The following EYS variants were observed in gnomAD, a reference collection of about 807,000 sequenced individuals.
EYS encodes the protein EGF-like photoreceptor maintenance factor, also known as protein eyes shut homolog.
A neutral mutation model predicts 282.1 loss-of-function variants in EYS; 250 were observed. That is an observed-to-expected ratio of 0.89 (90% CI 0.80 to 0.98). EYS has a LOEUF of 0.98. Among genes scored for constraint, EYS ranks in the 50% least tolerant of loss-of-function variants. The probability of loss-of-function intolerance (pLI) is 0.00; values close to 1 mark genes in which losing one functional copy is unlikely to be tolerated. For synonymous variants in EYS, 1,355 were observed against 1,282.9 expected, an observed-to-expected ratio of 1.06 and a Z score of -1.20; for missense variants, 4,016 against 3,709.0, an observed-to-expected ratio of 1.08 and a Z score of -2.15.
intron 33 of EYS, among the ~76,000 whole-genome samples, chr6:64,057,378 G>GTTT (rs75532003): frequency 1.7e-5 from 2 of 114,698 alleles, no homozygotes; most frequent in African/African-American, 8.6e-5. Flanking sequence ...ATAAAGTAAG[G>GTTT]TTTTTTTTTT....
At chr6:65,572,566 C>T (rs1186475665) in intron 2 of EYS, among the ~76,000 whole-genome samples, 1 of 151,988 alleles carries the variant, frequency 6.6e-6, no homozygotes, top group African/African-American at 2.4e-5. Context: ...TTAAAATATA[C>T]AGTCATGTGC....
intron 36 of EYS, among the ~76,000 whole-genome samples, chr6:63,859,789 C>T (rs972600121): frequency 1.3e-5 from 2 of 152,230 alleles, no homozygotes; most frequent in Non-Finnish European, 1.5e-5. Context: ...GTCTCGGCTC[C>T]GGCCATCACT....
intron 22 of EYS, among the ~76,000 whole-genome samples, chr6:64,761,678 A>G (rs1773164298): frequency 6.6e-6 from 1 of 152,082 alleles, no homozygotes; most frequent in Non-Finnish European, 1.5e-5. Flanking sequence ...GATGGTTTCT[A>G]TCTACTGACC....
chr6:65,699,179 T>A (rs965016666), intron 1 of EYS, among the ~76,000 whole-genome samples: 4 of 152,194 alleles, frequency 2.6e-5, no homozygotes, highest in Non-Finnish European at 5.9e-5. Context: ...TCGTTTTAGA[T>A]CACGTCTATA....
chr6:64,966,164 T>A (rs929169791), intron 14 of EYS, among the ~76,000 whole-genome samples: 6 of 152,158 alleles, frequency 3.9e-5, no homozygotes, highest in Non-Finnish European at 7.4e-5. Context: ...AATGTATGTT[T>A]TTCTGAGTTG....
chr6:65,333,219 C>T (rs1209738381), intron 11 of EYS, among the ~76,000 whole-genome samples: 1 of 151,486 alleles, frequency 6.6e-6, no homozygotes, highest in East Asian at 1.9e-4. Flanking sequence ...CACCCACATC[C>T]CATGAGTTTT....
chr6:65,206,313 C>CAT (rs1456143294), intron 12 of EYS, among the ~76,000 whole-genome samples: 2 of 151,486 alleles, frequency 1.3e-5, no homozygotes, highest in African/African-American at 4.8e-5. Flanking sequence ...TTCCTGGAAA[C>CAT]ATACAACCTC....
intron 29 of EYS, among the ~76,000 whole-genome samples, chr6:64,330,433 C>T (rs1201319598): frequency 6.6e-6 from 1 of 152,146 alleles, no homozygotes; most frequent in African/African-American, 2.4e-5. Flanking sequence ...AGAACCCCTC[C>T]TGTGGGGAAA....
In EYS at chr6:63,720,764, G is replaced by A; in HGVS notation, c.9267C>T (p.Gly3089=). The A allele has an allele frequency of 6.5e-7, 1 of 1,550,290 alleles. No homozygotes were observed. The highest frequency in any genetic ancestry group is 8.7e-7 in the Non-Finnish European group (1 of 1,146,256). The change falls in exon 43 of 43, where the codon GGC becomes GGT. Residue 3089 remains glycine (G), a synonymous_variant. Coordinates refer to ENST00000503581, the MANE Select transcript of EYS (RefSeq NM_001142800.2). ...LNYDGICYLG[G]FEYGRKVNIV... ...TATTTACCTTTCTACCATATTCAAA[G>A]CCCCCTAGATAACAAATGCCATCAT...
intron 36 of EYS, among the ~76,000 whole-genome samples, chr6:63,820,002 GA>G (rs796408002): frequency 7.9e-5 from 12 of 152,290 alleles, no homozygotes; most frequent in African/African-American, 2.9e-4. Flanking sequence ...CTTCTTAAGG[GA>G]AAGTCCACAT....
chr6:63,960,433 G>C (rs569080243), intron 35 of EYS, among the ~76,000 whole-genome samples: 28 of 152,196 alleles, frequency 1.8e-4, no homozygotes, highest in Non-Finnish European at 1.5e-4. Flanking sequence ...AAGATGCTAT[G>C]AATATTGTTG....
chr6:64,029,632 A>T (rs538753295), intron 33 of EYS, among the ~76,000 whole-genome samples: 1 of 152,336 alleles, frequency 6.6e-6, no homozygotes, highest in Non-Finnish European at 1.5e-5. Flanking sequence ...GATCTCTTAG[A>T]AGTCCCCTTA....
chr6:63,889,677 G>A (rs574737669), intron 35 of EYS, among the ~76,000 whole-genome samples: 2 of 152,024 alleles, frequency 1.3e-5, no homozygotes, highest in South Asian at 4.2e-4. Flanking sequence ...AAACCAAAAT[G>A]TAAAGACCAT....
At chr6:65,353,879 T>C (rs1287542126) in intron 8 of EYS, among the ~76,000 whole-genome samples, 1 of 152,088 alleles carries the variant, frequency 6.6e-6, no homozygotes, top group Non-Finnish European at 1.5e-5. Context: ...CCTAATCTTC[T>C]GTTTGATGGG....
chr6:64,822,861 A>C, intron 19 of EYS, 39 bp from the exon 20 acceptor site: 1 of 1,512,076 alleles, frequency 6.6e-7, no homozygotes, highest in Non-Finnish European at 8.9e-7. Context: ...GAAACCATTT[A>C]AATACAAAAC....
intron 1 of EYS, among the ~76,000 whole-genome samples, chr6:65,656,618 C>G (rs1767840590): frequency 6.6e-6 from 1 of 151,814 alleles, no homozygotes; most frequent in African/African-American, 2.4e-5. Flanking sequence ...GAAGTCATTA[C>G]CTCAGATGCT....
chr6:65,124,631 T>G (rs1020604875), intron 12 of EYS, among the ~76,000 whole-genome samples: 1 of 152,182 alleles, frequency 6.6e-6, no homozygotes, highest in Non-Finnish European at 1.5e-5. Flanking sequence ...TCATAGTGAC[T>G]GTTACATTAA....
chr6:64,549,327 T>C (rs1293297538), intron 26 of EYS, among the ~76,000 whole-genome samples: 1 of 152,218 alleles, frequency 6.6e-6, no homozygotes, highest in African/African-American at 2.4e-5. Context: ...GCTATAATTA[T>C]TTGTCAAAGA....
intron 12 of EYS, among the ~76,000 whole-genome samples, chr6:65,107,786 G>C (rs2150187034): frequency 6.6e-6 from 1 of 151,968 alleles, no homozygotes; most frequent in South Asian, 2.1e-4. Context: ...CACATGGTTG[G>C]TTTAAGTCTG....
Sources: allele counts gnomAD v4.1 joint callset (sites outside exome capture counted in the v4.1 genomes callset), GRCh38; gene constraint gnomAD v4.1.1; transcripts MANE v1.5; gene names NCBI Gene and HGNC (gene_info 2026-07-23, HGNC 2026-07-21).